The following TRIM66 variants were observed in gnomAD, a reference collection of about 807,000 sequenced individuals.
TRIM66 encodes tripartite motif containing 66.
In TRIM66, 99 loss-of-function variants were observed where a neutral mutation model predicts 148.2. The observed-to-expected ratio is 0.67, with a 90% confidence interval of 0.57 to 0.79. The LOEUF (loss-of-function observed/expected upper bound fraction) is 0.79, where lower values mean the gene tolerates loss of function less well. Ranked by LOEUF, TRIM66 falls within the 30% of genes least tolerant of loss-of-function variation. TRIM66 has a pLI of 0.00. For missense variants in TRIM66, 1,666 were observed against 1,697.9 expected, an observed-to-expected ratio of 0.98 and a Z score of 0.33; for synonymous variants, 616 against 635.9, an observed-to-expected ratio of 0.97 and a Z score of 0.47.
intron 7 of TRIM66, among the ~76,000 whole-genome samples, chr11:8,650,371 T>TA (rs2037250108): frequency 6.7e-6 from 1 of 149,752 alleles, no homozygotes; most frequent in African/African-American, 2.5e-5. Flanking sequence ...AGACCCTGTC[T>TA]CAAAAAAGGA....
chr11:8,620,306 C>T (rs549335317), intron 21 of TRIM66, 140 bp downstream of exon 21: 4 of 1,407,078 alleles, frequency 2.8e-6, no homozygotes, highest in Non-Finnish European at 3.8e-6. Flanking sequence ...TATCCAAACA[C>T]CCCTGGGCCA....
chr11:8,671,644 TCC>T (rs1448422615), intron 6 of TRIM66, 140 bp downstream of exon 6: 9 of 603,986 alleles, frequency 1.5e-5, no homozygotes, highest in Non-Finnish European at 2.4e-5. Flanking sequence ...TCTCACAGAT[TCC>T]CCCAAAGATT....
rs1228661126 is a variant in TRIM66, at chr11:8,617,344, T to C, written c.*600A>G. 1 of 152,520 alleles carries C rather than the reference T, an allele frequency of 6.6e-6. No individual in the cohort carries two copies. Among genetic ancestry groups the C allele is most frequent in the African/African-American group, 2.4e-5 (1 of 41,412 alleles). 9.4% of individuals were successfully genotyped at this position (152,520 alleles called of 1,614,324 possible). A position where few individuals can be genotyped will look rare whatever the true frequency, so the allele number is the denominator to read the frequency against. Reference sequence around the variant, plus strand: ...CAGGAAAGTGACTATGCAAAACAAATACCCTGAAAACCGTTAGAACCCAAA... The same window carrying C: ...CAGGAAAGTGACTATGCAAAACAAACACCCTGAAAACCGTTAGAACCCAAA... On this transcript the variant is annotated 3_prime_UTR_variant, in exon 25 of 25. Coordinates refer to ENST00000646038, the MANE Select transcript of TRIM66 (RefSeq NM_001388022.1).
chr11:8,652,045 G>A, intron 6 of TRIM66, 142 bp from the exon 7 acceptor site: 1 of 655,910 alleles, frequency 1.5e-6, no homozygotes, highest in Admixed American at 2.8e-5. Flanking sequence ...TGATGCCATA[G>A]CCTGCATTTA....
At chr11:8,625,563 CACAG>C (rs1197041286) in intron 15 of TRIM66, among the ~76,000 whole-genome samples, 1 of 151,934 alleles carries the variant, frequency 6.6e-6, no homozygotes, top group Non-Finnish European at 1.5e-5. Flanking sequence ...CAGACACACA[CACAG>C]ACACACACAC....
chr11:8,655,490 T>C (rs959451716), intron 6 of TRIM66, among the ~76,000 whole-genome samples: 1 of 152,036 alleles, frequency 6.6e-6, no homozygotes, highest in African/African-American at 2.4e-5. Context: ...CAGACGTTTT[T>C]TTTTCCTGGA....
chr11:8,630,793 G>A (rs1214237056), intron 15 of TRIM66, among the ~76,000 whole-genome samples: 1 of 151,956 alleles, frequency 6.6e-6, no homozygotes, highest in Non-Finnish European at 1.5e-5. Flanking sequence ...TAATTTAATG[G>A]ATTCAGTTAA....
At chr11:8,656,990 C>T (rs999193827) in intron 6 of TRIM66, among the ~76,000 whole-genome samples, 7 of 152,226 alleles carry the variant, frequency 4.6e-5, no homozygotes, top group Non-Finnish European at 8.8e-5. Flanking sequence ...GCCTAGAGTG[C>T]AGCCTGAGGT....
At chr11:8,671,164 T>C (rs2038909194) in intron 6 of TRIM66, among the ~76,000 whole-genome samples, 1 of 152,266 alleles carries the variant, frequency 6.6e-6, no homozygotes, top group Non-Finnish European at 1.5e-5. Context: ...ACAACGGTAT[T>C]TCTAAGTGTT....
At chr11:8,654,458 C>T (rs986508129) in intron 6 of TRIM66, 1 of 152,240 alleles carries the variant, frequency 6.6e-6, no homozygotes, top group African/African-American at 2.4e-5. Context: ...CACCTTTGAG[C>T]AGCAAGATCA....
At position 8,671,831 on chromosome 11, in the gene TRIM66, G is replaced by A. The variant is rs1400015518; in HGVS notation, c.295C>T (p.Gln99Ter). Residue 99 changes from glutamine (Q) to a stop codon, truncating the protein, a stop_gained, in exon 6 of 25, where the codon CAG becomes TAG. Coordinates refer to ENST00000646038, the MANE Select transcript of TRIM66 (RefSeq NM_001388022.1). LOFTEE classifies it high-confidence loss of function. ...LRKDCFQGLIQELGQIAKAHE... is the reference protein window; with the variant it reads ...LRKDCFQGLI ...GCCTTGGCAATCTGCCCTAGCTCCT[G>A]TATCAAGCCCTGGAAGCAGTCCTTA... The A allele has an allele frequency of 2.0e-6, 3 of 1,526,456 alleles. No homozygotes were observed. In the East Asian group the frequency reaches 7.3e-5, roughly 37 times the overall value. The allele number at this position is 1,526,456 out of a possible 1,614,324, so 94.6% of individuals were successfully genotyped here.
chr11:8,621,812 T>C lies in TRIM66; in HGVS notation c.3088A>G (p.Asn1030Asp), dbSNP rs900140524. 6.0e-5 allele frequency: 93 copies of C among 1,544,044 alleles called. No individual in the cohort carries two copies. Among genetic ancestry groups the C allele is most frequent in the Non-Finnish European group, 7.6e-5 (87 of 1,144,232 alleles). ...ACATAGGGAATCTTATGCTCACTAT[T>C]GAAGGCTCTGCAGCAAGACAGACAC... ...AKENQSIRAF[N>D]SEHKIPYVRL... Residue 1030 changes from asparagine (N) to aspartate (D), a missense_variant, in exon 19 of 25, where the codon AAT (asparagine) becomes GAT (aspartate). Physicochemically the swap from Asn to Asp is conservative, Grantham distance 23. This residue lies in a region of TRIM66 where 1,431 missense variants were observed against 1,412.4 expected (regional missense o/e 1.01). Coordinates refer to ENST00000646038, the MANE Select transcript of TRIM66 (RefSeq NM_001388022.1).
At chr11:8,641,930 C>G (rs908773478) in intron 13 of TRIM66, among the ~76,000 whole-genome samples, 1 of 152,134 alleles carries the variant, frequency 6.6e-6, no homozygotes, top group Non-Finnish European at 1.5e-5. Flanking sequence ...GAGGCCTCCC[C>G]AGAAGCCGAG....
chr11:8,669,398 C>T (rs766043494), intron 6 of TRIM66, among the ~76,000 whole-genome samples: 3 of 152,190 alleles, frequency 2.0e-5, no homozygotes, highest in Admixed American at 6.5e-5. Flanking sequence ...AATCCCAGCA[C>T]TTTGGGAGGC....
At position 8,643,801 on chromosome 11, in the gene TRIM66, G is replaced by C. The variant is rs374820297; in HGVS notation, c.1105-675C>G. Reference sequence around the variant, plus strand: ...GCTCCCCATTGCTGTACTTCCACTTGCAGGTAAAACACCCTTCTGTCCTAC... The same window carrying C: ...GCTCCCCATTGCTGTACTTCCACTTCCAGGTAAAACACCCTTCTGTCCTAC... On this transcript the variant is annotated intron_variant, in intron 12 of 24. Coordinates refer to ENST00000646038, the MANE Select transcript of TRIM66 (RefSeq NM_001388022.1). Among the ~76,000 whole-genome samples, 8 of 152,206 alleles carry C rather than the reference G, an allele frequency of 5.3e-5. No homozygotes were observed. In the East Asian group the frequency reaches 1.4e-3, roughly 26 times the overall value.
intron 7 of TRIM66, 45 bp from the exon 8 acceptor site, chr11:8,649,932 T>C (rs760656077): frequency 6.5e-7 from 1 of 1,533,184 alleles, no homozygotes; most frequent in South Asian, 1.2e-5. Context: ...TCCTCATTTG[T>C]GTCTGCCTCC....
At chr11:8,647,889 C>A in intron 10 of TRIM66, 81 bp downstream of exon 10, 1 of 1,073,194 alleles carries the variant, frequency 9.3e-7, no homozygotes, top group Non-Finnish European at 1.4e-6. Flanking sequence ...ACAGGCACTA[C>A]ATCTGACGGC....
At position 8,682,611 on chromosome 11, in the gene TRIM66, C is replaced by A. The variant is rs545402295; in HGVS notation, c.-558G>T. On this transcript the variant is annotated 5_prime_UTR_variant, in exon 1 of 25. Transcript: ENST00000646038. ...CACAACGAGCCTCACCGAAACCGTA[C>A]ACCGCCACCAGGACACTCCGTGATG... The A allele has an allele frequency of 4.7e-6, 3 of 632,044 alleles. No individual in the cohort carries two copies. The highest frequency in any genetic ancestry group is 5.6e-5 in the East Asian group (2 of 35,712). 39.2% of individuals were successfully genotyped at this position (632,044 alleles called of 1,614,324 possible). A position where few individuals can be genotyped will look rare whatever the true frequency, so the allele number is the denominator to read the frequency against.
chr11:8,666,871 G>A (rs769717488), intron 6 of TRIM66, among the ~76,000 whole-genome samples: 7 of 152,150 alleles, frequency 4.6e-5, no homozygotes, highest in African/African-American at 1.4e-4. Flanking sequence ...GTGCAGTGGC[G>A]CGATCTCAGC....
Sources: gnomAD v4.1 joint callset for allele counts (sites outside exome capture counted in the v4.1 genomes callset) on GRCh38, gnomAD v4.1.1 for gene constraint, gnomAD v4.1.1 regional missense constraint, MANE v1.5 for transcripts, NCBI Gene and HGNC (gene_info 2026-07-23, HGNC 2026-07-21) for gene names.